The following TRIM41 variants were observed in gnomAD, a reference collection of about 807,000 sequenced individuals.
TRIM41 encodes the protein E3 ubiquitin-protein ligase TRIM41.
TRIM41 carries 21 observed loss-of-function variants against 60.6 expected under a neutral mutation model. That is an observed-to-expected ratio of 0.35 (90% CI 0.25 to 0.50). TRIM41 has a LOEUF of 0.50. Ranked by LOEUF, TRIM41 falls within the 20% of genes least tolerant of loss-of-function variation. The pLI, the probability that TRIM41 is intolerant of heterozygous loss-of-function variation, is 0.98. For missense variants in TRIM41, 846 were observed against 868.3 expected, an observed-to-expected ratio of 0.97 and a Z score of 0.32; for synonymous variants, 407 against 344.9, an observed-to-expected ratio of 1.18 and a Z score of -2.00.
At chr5:181,230,458 C>A in intron 1 of TRIM41, 1 of 165,430 alleles carries the variant, frequency 6.0e-6, no homozygotes, top group Admixed American at 7.0e-5. Context: ...GATCGTGCCA[C>A]TGCACTCCAG....
chr5:181,233,155 A>G lies in TRIM41; in HGVS notation c.1141-258A>G. 1.4e-6 allele frequency: 1 copy of G among 712,800 alleles called. No individual in the cohort carries two copies. The highest frequency in any genetic ancestry group is 1.5e-5 in the South Asian group (1 of 67,322). The allele number at this position is 712,800 out of a possible 1,614,324, so 44.2% of individuals were successfully genotyped here. On this transcript the variant is annotated intron_variant, in intron 3 of 5. Transcript: ENST00000315073. The surrounding 1 kb of genome is among the most constrained non-coding windows in gnomAD (Gnocchi z 4.1). ...TGAGGAAAGTCTTTTTGACAGTGAC[A>G]TCCTGAAAAAGGTGAGCAAGTCGTA...
At position 181,223,793 on chromosome 5, in the gene TRIM41, T is replaced by G; in HGVS notation, c.-207T>G. On this transcript the variant is annotated 5_prime_UTR_variant, in exon 1 of 6. Transcript: ENST00000315073. ...GGCGGTGGCGCCCAGCACTGTCCCC[T>G]CCCCTCGTAGAGACACGGTTGTCGT... 4 of 621,334 alleles carry G rather than the reference T, an allele frequency of 6.4e-6. No homozygotes were observed. The South Asian group carries it at 7.7e-5, about 12-fold the overall frequency. The allele number at this position is 621,334 out of a possible 1,614,324, so 38.5% of individuals were successfully genotyped here.
Position 181,223,956 on chromosome 5 carries a change from T to C in TRIM41, c.-44T>C. On this transcript the variant is annotated 5_prime_UTR_variant, in exon 1 of 6. Coordinates refer to ENST00000315073, the MANE Select transcript of TRIM41 (RefSeq NM_033549.5). Reference sequence around the variant, plus strand: ...CGTCGGTAGGGAAGACCCCCGCCCCTCGCCCCCCCACCGAACCTCTACACT... The same window carrying C: ...CGTCGGTAGGGAAGACCCCCGCCCCCCGCCCCCCCACCGAACCTCTACACT... 56 of 1,008,722 alleles carry C rather than the reference T, an allele frequency of 5.6e-5. No homozygotes were observed. The highest frequency in any genetic ancestry group is 7.7e-5 in the Non-Finnish European group (51 of 664,694). The allele number at this position is 1,008,722 out of a possible 1,614,324, so 62.5% of individuals were successfully genotyped here.
Position 181,235,494 on chromosome 5 carries a change from G to A in TRIM41, c.*719G>A, listed in dbSNP as rs1187030579. ...CTTCCCTTTTCCAGCACTCAACCAA[G>A]GAGCAAAGCTCATCCCACCCCACAC... is the stretch of plus-strand genomic sequence containing the variant. On this transcript the variant is annotated 3_prime_UTR_variant, in exon 6 of 6. Transcript: ENST00000315073. The A allele has an allele frequency of 5.3e-6, 8 of 1,507,936 alleles. No individual in the cohort carries two copies. The Admixed American group carries it at 5.8e-5, about 11-fold the overall frequency. 93.4% of individuals were successfully genotyped at this position (1,507,936 alleles called of 1,614,324 possible).
At chr5:181,228,949 A>AC (rs1758674794) in intron 1 of TRIM41, 1 of 148,480 alleles carries the variant, frequency 6.7e-6, no homozygotes, top group African/African-American at 2.6e-5. Context: ...AAAAAAAAAA[A>AC]AAAAAAAAAC....
chr5:181,233,133 GGA>G lies in TRIM41; in HGVS notation c.1140+245_1140+246del, dbSNP rs1197005863. On this transcript the variant is annotated intron_variant, in intron 3 of 5. Coordinates refer to ENST00000315073, the MANE Select transcript of TRIM41 (RefSeq NM_033549.5). This position sits in a 1 kb window ranked among gnomAD's most constrained non-coding sequence, Gnocchi z 4.1. ...TAGGAGAGGTTTAAATGACAGTTGA[GGA>G]AAGTCTTTTTGACAGTGACATCCTG... The G allele has an allele frequency of 1.4e-6, 1 of 715,058 alleles. No homozygotes were observed. The highest frequency in any genetic ancestry group is 2.7e-5 in the East Asian group (1 of 37,344). The allele number at this position is 715,058 out of a possible 1,614,324, so 44.3% of individuals were successfully genotyped here. A position where few individuals can be genotyped will look rare whatever the true frequency, so the allele number is the denominator to read the frequency against.
Position 181,233,194 on chromosome 5 carries a change from A to C in TRIM41, c.1141-219A>C, listed in dbSNP as rs1458781543. ...GAGCAAGTCGTATTGTGGAAATGAC[A>C]GTATCCCTGGGCTCACAGCAGGATG... On this transcript the variant is annotated intron_variant, in intron 3 of 5. Transcript: ENST00000315073. This position sits in a 1 kb window ranked among gnomAD's most constrained non-coding sequence, Gnocchi z 4.1. 1.4e-6 allele frequency: 1 copy of C among 720,272 alleles called. No homozygotes were observed. Among genetic ancestry groups the C allele is most frequent in the South Asian group, 1.5e-5 (1 of 68,566 alleles). 44.6% of individuals were successfully genotyped at this position (720,272 alleles called of 1,614,324 possible).
At position 181,234,458 on chromosome 5, in the gene TRIM41, A is replaced by G. The variant is rs1366984936; in HGVS notation, c.1576A>G (p.Ser526Gly). The G allele has an allele frequency of 6.2e-7, 1 of 1,612,458 alleles. No homozygotes were observed. The highest frequency in any genetic ancestry group is 8.5e-7 in the Non-Finnish European group (1 of 1,179,218). ...GGSSVGSGDA[S>G]SSRHHHRRRR... ...TTCCTCCGTGGGCAGCGGGGATGCC[A>G]GCTCCTCGCGCCATCACCATCGCCG... Residue 526 changes from serine to glycine, a missense_variant, in exon 6 of 6, where the codon AGC (serine) becomes GGC (glycine). Physicochemically the swap from Ser to Gly is moderately conservative, Grantham distance 56. Coordinates refer to ENST00000315073, the MANE Select transcript of TRIM41 (RefSeq NM_033549.5). The surrounding 1 kb of genome is among the most constrained non-coding windows in gnomAD (Gnocchi z 5.6).
Position 181,223,608 on chromosome 5 carries a change from G to A in TRIM41, c.-392G>A. ...GAAAAAGGGGGAGTAGCAGGACAGC[G>A]GAGGGAAGTCGCGAGCTTAGGTGGT... On this transcript the variant is annotated 5_prime_UTR_variant, in exon 1 of 6. Coordinates refer to ENST00000315073, the MANE Select transcript of TRIM41 (RefSeq NM_033549.5). 2.2e-6 allele frequency: 1 copy of A among 461,060 alleles called. No individual in the cohort carries two copies. Among genetic ancestry groups the A allele is most frequent in the Non-Finnish European group, 3.8e-6 (1 of 262,012 alleles). 28.6% of individuals were successfully genotyped at this position (461,060 alleles called of 1,614,324 possible).
intron 2 of TRIM41, 107 bp downstream of exon 2, chr5:181,230,946 C>G (rs954368136): frequency 1.3e-5 from 13 of 979,036 alleles, no homozygotes; most frequent in Admixed American, 5.3e-5. Context: ...GAGGGGACAG[C>G]TAAGGCCTGG....
chr5:181,233,072 C>T lies in TRIM41; in HGVS notation c.1140+183C>T, dbSNP rs1758879588. 8.1e-6 allele frequency: 6 copies of T among 744,182 alleles called. No individual in the cohort carries two copies. The highest frequency in any genetic ancestry group is 3.0e-5 in the South Asian group (2 of 67,522). 46.1% of individuals were successfully genotyped at this position (744,182 alleles called of 1,614,324 possible). A position where few individuals can be genotyped will look rare whatever the true frequency, so the allele number is the denominator to read the frequency against. The stretch of plus-strand genomic sequence containing the variant: ...TTAATGTCGAATGTGGTATGTGTGG[C>T]GATTATACCCAGTGAAAAGCATGAA... On this transcript the variant is annotated intron_variant, in intron 3 of 5. Coordinates refer to ENST00000315073, the MANE Select transcript of TRIM41 (RefSeq NM_033549.5). This position sits in a 1 kb window ranked among gnomAD's most constrained non-coding sequence, Gnocchi z 4.1.
intron 1 of TRIM41, chr5:181,226,437 G>C (rs920690270): frequency 6.6e-6 from 1 of 152,156 alleles, no homozygotes; most frequent in African/African-American, 2.4e-5. Flanking sequence ...CTGATTGTTG[G>C]AATTACTAGG....
Position 181,224,238 on chromosome 5 carries a change from C to T in TRIM41, c.239C>T (p.Ala80Val), listed in dbSNP as rs200572049. Reference protein sequence around the residue: ...EEEVEAVGAGAGWDTPMRDED... With the variant: ...EEEVEAVGAGVGWDTPMRDED... ...GAAGTGGAGGCTGTGGGGGCTGGCG[C>T]GGGGTGGGACACCCCCATGCGGGAT... Residue 80 changes from alanine (A) to valine (V), a missense_variant, in exon 1 of 6, where the codon GCG becomes GTG. Transcript: ENST00000315073. 1 of 1,611,888 alleles carries T rather than the reference C, an allele frequency of 6.2e-7. No individual in the cohort carries two copies. The highest frequency in any genetic ancestry group is 8.5e-7 in the Non-Finnish European group (1 of 1,179,456).
In TRIM41 at chr5:181,232,730, G is replaced by A. The variant is rs913965930; in HGVS notation, c.981G>A (p.Glu327=). ...FGRLTRFLAE[E]QAGLERRLRE... ...GACTGACACGGTTTCTGGCTGAAGA[G>A]CAGGCAGGGCTGGAACGGCGTCTCA... Residue 327 remains glutamate (E), a synonymous_variant, in exon 3 of 6, where the codon GAG becomes GAA. Coordinates refer to ENST00000315073, the MANE Select transcript of TRIM41 (RefSeq NM_033549.5). 6.2e-7 allele frequency: 1 copy of A among 1,614,042 alleles called. No homozygotes were observed. Among genetic ancestry groups the A allele is most frequent in the Non-Finnish European group, 8.5e-7 (1 of 1,180,016 alleles).
rs1758410707 is a variant in TRIM41, at chr5:181,223,933, T to C, written c.-67T>C. ...GGGGTGGAGCCGGGTCGCCAGGGCGTCGGTAGGGAAGACCCCCGCCCCTCG... is the reference window on the plus strand; with the variant it reads ...GGGGTGGAGCCGGGTCGCCAGGGCGCCGGTAGGGAAGACCCCCGCCCCTCG... On this transcript the variant is annotated 5_prime_UTR_variant, in exon 1 of 6. Coordinates refer to ENST00000315073, the MANE Select transcript of TRIM41 (RefSeq NM_033549.5). The C allele has an allele frequency of 6.6e-7, 1 of 1,511,610 alleles. No individual in the cohort carries two copies. The highest frequency in any genetic ancestry group is 8.9e-7 in the Non-Finnish European group (1 of 1,122,362). The allele number at this position is 1,511,610 out of a possible 1,614,324, so 93.6% of individuals were successfully genotyped here. A position where few individuals can be genotyped will look rare whatever the true frequency, so the allele number is the denominator to read the frequency against.
rs761733067 is a variant in TRIM41 at position 181,232,793 on chromosome 5, C to T, written c.1044C>T (p.Ala348=). The change falls in exon 3 of 6, where the codon GCC becomes GCT. Residue 348 remains alanine, a synonymous_variant. Transcript: ENST00000315073. ...MHEAQLGRAG[A]AASRLAEQAA... is the part of the protein sequence containing the mutation. ...AAGCCCAGCTGGGGCGTGCGGGAGCCGCGGCTAGTCGCCTTGCAGAACAGG... is the reference window on the plus strand; with the variant it reads ...AAGCCCAGCTGGGGCGTGCGGGAGCTGCGGCTAGTCGCCTTGCAGAACAGG... 21 of 1,604,808 alleles carry T rather than the reference C, an allele frequency of 1.3e-5. No homozygotes were observed. Among genetic ancestry groups the T allele is most frequent in the African/African-American group, 4.0e-5 (3 of 74,792 alleles).
At position 181,233,114 on chromosome 5, in the gene TRIM41, A is replaced by T. The variant is rs1230185561; in HGVS notation, c.1140+225A>T. On this transcript the variant is annotated intron_variant, in intron 3 of 5. Transcript: ENST00000315073. This position sits in a 1 kb window ranked among gnomAD's most constrained non-coding sequence, Gnocchi z 4.1. Reference sequence around the variant, plus strand: ...AAGCATGAAGATTCGGTTGTAGGAGAGGTTTAAATGACAGTTGAGGAAAGT... The same window carrying T: ...AAGCATGAAGATTCGGTTGTAGGAGTGGTTTAAATGACAGTTGAGGAAAGT... 1.4e-6 allele frequency: 1 copy of T among 718,852 alleles called. No homozygotes were observed. Among genetic ancestry groups the T allele is most frequent in the African/African-American group, 1.7e-5 (1 of 57,514 alleles). 44.5% of individuals were successfully genotyped at this position (718,852 alleles called of 1,614,324 possible).
In TRIM41 at chr5:181,234,982, T is replaced by G; in HGVS notation, c.*207T>G. On this transcript the variant is annotated 3_prime_UTR_variant, in exon 6 of 6. Transcript: ENST00000315073. This position sits in a 1 kb window ranked among gnomAD's most constrained non-coding sequence, Gnocchi z 5.6. ...CAGCTCAGCCTTCTCTCACCTACTA[T>G]GTCTGTCCAACAGGTCTGCATGGGT... is the stretch of plus-strand genomic sequence containing the variant. The G allele has an allele frequency of 1.9e-6, 3 of 1,614,102 alleles. No homozygotes were observed. The highest frequency in any genetic ancestry group is 2.5e-6 in the Non-Finnish European group (3 of 1,180,004).
chr5:181,230,521 AAAAAAT>A, intron 1 of TRIM41: 1 of 242,292 alleles, frequency 4.1e-6, no homozygotes, highest in African/African-American at 2.3e-5. Context: ...AAAAAAAAAA[AAAAAAT>A]ACACACAGGG....
Sources: allele counts gnomAD v4.1 joint callset, GRCh38; gene constraint gnomAD v4.1.1; non-coding constraint Gnocchi (gnomAD v3.1); transcripts MANE v1.5; gene names NCBI Gene and HGNC (gene_info 2026-07-23, HGNC 2026-07-21).